The following VPS13D variants were observed in gnomAD, a reference collection of about 807,000 sequenced individuals.
VPS13D encodes intermembrane lipid transfer protein VPS13D.
Under a neutral mutation model 461.9 loss-of-function variants are expected in VPS13D, and 187 were observed. That is an observed-to-expected ratio of 0.40 (90% CI 0.36 to 0.46). The LOEUF is 0.46. Ranked by LOEUF, VPS13D falls within the 20% of genes least tolerant of loss-of-function variation. VPS13D has a pLI of 0.60. For missense variants in VPS13D, 4,711 were observed against 5,364.9 expected, an observed-to-expected ratio of 0.88 and a Z score of 3.81; for synonymous variants, 1,951 against 1,986.3, an observed-to-expected ratio of 0.98 and a Z score of 0.47.
At chr1:12,433,016 A>G (rs1410781317) in intron 65 of VPS13D, among the ~76,000 whole-genome samples, 1 of 152,188 alleles carries the variant, frequency 6.6e-6, no homozygotes, top group Admixed American at 6.5e-5. Context: ...TTAGTACCTT[A>G]GTACCTTTTC....
At chr1:12,397,437 C>A (rs911245873) in intron 60 of VPS13D, among the ~76,000 whole-genome samples, 7 of 152,196 alleles carry the variant, frequency 4.6e-5, no homozygotes, top group Non-Finnish European at 1.0e-4. Context: ...AGTTACGACG[C>A]CTTGTGTCAG....
At chr1:12,437,650 A>C (rs913986010) in intron 65 of VPS13D, among the ~76,000 whole-genome samples, 2 of 152,080 alleles carry the variant, frequency 1.3e-5, no homozygotes, top group African/African-American at 4.8e-5. Flanking sequence ...CTGGAAATCC[A>C]TCCTTTCTTT....
rs189499863 is a variant in VPS13D, at chr1:12,420,227, G to T, written c.12333+3400G>T. On this transcript the variant is annotated intron_variant, in intron 65 of 69. Coordinates refer to ENST00000620676, the MANE Select transcript of VPS13D (RefSeq NM_015378.4). ...TCATCTGTGATTCTGCACGTATGTG[G>T]TTGGACTAAAGATGTGCATTTTCTT... Among the ~76,000 whole-genome samples, 247 of 152,320 alleles carry T rather than the reference G, an allele frequency of 1.6e-3. 2 individuals are homozygous for T. Among genetic ancestry groups the T allele is most frequent in the Admixed American group, 0.011 (162 of 15,302 alleles).
intron 57 of VPS13D, among the ~76,000 whole-genome samples, chr1:12,380,866 T>A (rs17423806): frequency 0.037 from 5,694 of 152,326 alleles, 130 homozygotes; most frequent in Non-Finnish European, 0.047. Flanking sequence ...TGCTTACTTA[T>A]ATGTAGCACA....
At chr1:12,484,984 G>A (rs1318274066) in intron 67 of VPS13D, among the ~76,000 whole-genome samples, 3 of 152,192 alleles carry the variant, frequency 2.0e-5, no homozygotes, top group African/African-American at 7.2e-5. Flanking sequence ...ACGTGTGTGT[G>A]TGTGTGTCTT....
At position 12,433,719 on chromosome 1, in the gene VPS13D, G is replaced by A. The variant is rs114457057; in HGVS notation, c.12333+16892G>A. On this transcript the variant is annotated intron_variant, in intron 65 of 69. Transcript: ENST00000620676. ...TGGGGCAGCTTCCCGGGAGGGCTGG[G>A]AGGAAGATACCAAACTCATCAGGCA... Among the ~76,000 whole-genome samples, 1,103 of 152,264 alleles carry A rather than the reference G, an allele frequency of 7.2e-3. 17 individuals are homozygous for A. The highest frequency in any genetic ancestry group is 0.025 in the African/African-American group (1,056 of 41,540).
chr1:12,462,645 G>A (rs1007752360), intron 67 of VPS13D, among the ~76,000 whole-genome samples: 3 of 152,222 alleles, frequency 2.0e-5, no homozygotes, highest in African/African-American at 7.2e-5. Context: ...CTGGGTCTGC[G>A]AGGAGGGGGC....
chr1:12,308,990 C>T (rs977303001), intron 27 of VPS13D, among the ~76,000 whole-genome samples: 3 of 152,012 alleles, frequency 2.0e-5, no homozygotes, highest in Non-Finnish European at 2.9e-5. Context: ...AGAATCTTAA[C>T]GTGGAAATCA....
chr1:12,460,401 G>A lies in VPS13D; in HGVS notation c.12662+5G>A. ...AGCCACACTCAGCGGCCCCAGGTCA[G>A]TGGTGTGGGAAGAATGGCTTTTGCA... On this transcript the variant is annotated splice_donor_5th_base_variant and intron_variant, in intron 67 of 69. Coordinates refer to ENST00000620676, the MANE Select transcript of VPS13D (RefSeq NM_015378.4). 1 of 1,575,512 alleles carries A rather than the reference G, an allele frequency of 6.3e-7. No homozygotes were observed. Among genetic ancestry groups the A allele is most frequent in the Non-Finnish European group, 8.6e-7 (1 of 1,160,092 alleles).
In VPS13D at chr1:12,341,803, C is replaced by G. The variant is rs1265382019; in HGVS notation, c.8650C>G (p.Arg2884Gly). ...AGCAGAGGTGAAAACCCCCAAGCGC[C>G]GGCAGCCATTTGTCCCCTTTGCTCT... Reference protein sequence around the residue: ...ARAEVKTPKRRQPFVPFALRN... With the variant: ...ARAEVKTPKRGQPFVPFALRN... The change falls in exon 41 of 70, where the codon CGG becomes GGG. Residue 2884 changes from arginine (R) to glycine (G), a missense_variant. Physicochemically the swap from Arg to Gly is moderately radical, Grantham distance 125. Coordinates refer to ENST00000620676, the MANE Select transcript of VPS13D (RefSeq NM_015378.4). The G allele has an allele frequency of 6.2e-7, 1 of 1,613,948 alleles. No individual in the cohort carries two copies. Among genetic ancestry groups the G allele is most frequent in the Non-Finnish European group, 8.5e-7 (1 of 1,179,962 alleles).
chr1:12,384,878 C>T (rs1283315312), intron 58 of VPS13D, among the ~76,000 whole-genome samples: 6 of 152,166 alleles, frequency 3.9e-5, no homozygotes, highest in East Asian at 1.9e-4. Flanking sequence ...ACCTTAGCCT[C>T]GCAAGTAGCT....
At chr1:12,272,831 T>A (rs1641492251) in intron 17 of VPS13D, among the ~76,000 whole-genome samples, 172 bp from the exon 18 acceptor site, 1 of 152,218 alleles carries the variant, frequency 6.6e-6, no homozygotes, top group African/African-American at 2.4e-5. Flanking sequence ...TGTGGTAATT[T>A]CTCAGATCCT....
intron 26 of VPS13D, among the ~76,000 whole-genome samples, chr1:12,305,120 T>A (rs1642526404): frequency 2.0e-5 from 3 of 152,188 alleles, no homozygotes; most frequent in South Asian, 4.1e-4. Context: ...AAAGAACACA[T>A]TAAAAAATAT....
intron 67 of VPS13D, among the ~76,000 whole-genome samples, chr1:12,461,163 G>T (rs931109994): frequency 1.3e-5 from 2 of 152,216 alleles, no homozygotes; most frequent in Admixed American, 1.3e-4. Context: ...TAAGGGCCCA[G>T]CCAAGCTAGA....
chr1:12,461,249 A>G (rs1645409154), intron 67 of VPS13D, among the ~76,000 whole-genome samples: 1 of 152,214 alleles, frequency 6.6e-6, no homozygotes. Flanking sequence ...ACGCCCTTTT[A>G]GAATGCCTAG....
chr1:12,443,825 A>G (rs547040974), intron 65 of VPS13D, among the ~76,000 whole-genome samples: 2 of 151,508 alleles, frequency 1.3e-5, no homozygotes, highest in East Asian at 3.9e-4. Context: ...TCTTATGGCA[A>G]TGAATTATCT....
At chr1:12,343,617 C>T (rs948205930) in intron 42 of VPS13D, among the ~76,000 whole-genome samples, 1 of 152,036 alleles carries the variant, frequency 6.6e-6, no homozygotes, top group African/African-American at 2.4e-5. Context: ...TCAAGCAGTT[C>T]TCTCACCTCG....
rs1313618890 is a variant in VPS13D, at chr1:12,322,642, C to T, written c.7811C>T (p.Ser2604Leu). ...PEQANAAVPD[S>L]VALESDSVGT... ...CAAGCTAATGCTGCAGTGCCAGACT[C>T]AGTGGCCCTGGAGTCAGACTCCGTT... Residue 2604 changes from serine to leucine, a missense_variant, in exon 34 of 70, where the codon TCA becomes TTA. By Grantham distance (145) the Ser-to-Leu change is moderately radical (BLOSUM62 -2). Coordinates refer to ENST00000620676, the MANE Select transcript of VPS13D (RefSeq NM_015378.4). The T allele has an allele frequency of 6.2e-7, 1 of 1,614,244 alleles. No individual in the cohort carries two copies. The highest frequency in any genetic ancestry group is 1.1e-5 in the South Asian group (1 of 91,086).
At chr1:12,444,564 T>TTTTC (rs1443176695) in intron 65 of VPS13D, among the ~76,000 whole-genome samples, 1 of 152,220 alleles carries the variant, frequency 6.6e-6, no homozygotes, top group Admixed American at 6.5e-5. Context: ...CTTTTCTGTA[T>TTTTC]TTTCACCCCC....
Sources: allele counts gnomAD v4.1 joint callset (sites outside exome capture counted in the v4.1 genomes callset), GRCh38; gene constraint gnomAD v4.1.1; transcripts MANE v1.5; gene names NCBI Gene and HGNC (gene_info 2026-07-23, HGNC 2026-07-21).